The following NUAK1 variants were observed in gnomAD, a reference collection of about 807,000 sequenced individuals.
The protein encoded by NUAK1 is NUAK family SNF1-like kinase 1.
In NUAK1, 26 loss-of-function variants were observed where a neutral mutation model predicts 56.9. The ratio of observed to expected loss-of-function variants is 0.46; its 90% CI spans 0.33 to 0.63. The LOEUF is 0.63. Among genes scored for constraint, NUAK1 ranks in the 30% least tolerant of loss-of-function variants. The probability of loss-of-function intolerance (pLI) is 0.02; values close to 1 mark genes in which losing one functional copy is unlikely to be tolerated. For missense variants in NUAK1, 727 were observed against 876.1 expected (o/e 0.83, Z 2.15); for synonymous variants, 337 against 336.0 (o/e 1.00, Z -0.03).
At chr12:106,136,574 G>A (rs2033131642) in intron 1 of NUAK1, among the ~76,000 whole-genome samples, 1 of 152,166 alleles carries the variant, frequency 6.6e-6, no homozygotes, top group South Asian at 2.1e-4. Flanking sequence ...ACAAGGGTTC[G>A]TTCGTTAGAA....
intron 6 of NUAK1, among the ~76,000 whole-genome samples, chr12:106,069,794 CAT>C (rs201636501): frequency 5.2e-4 from 79 of 151,746 alleles, no homozygotes; most frequent in Non-Finnish European, 9.1e-4. Context: ...TACAGATATA[CAT>C]ATATATATAT....
chr12:106,076,302 A>G (rs1024155514), intron 4 of NUAK1, among the ~76,000 whole-genome samples: 1 of 152,228 alleles, frequency 6.6e-6, no homozygotes, highest in African/African-American at 2.4e-5. Context: ...GAAGGAGCAC[A>G]TGGGTCTTCC....
intron 1 of NUAK1, among the ~76,000 whole-genome samples, chr12:106,114,609 A>C (rs1035548417): frequency 4.6e-5 from 7 of 152,218 alleles, no homozygotes; most frequent in Non-Finnish European, 1.0e-4. Context: ...ACTGAGTCCC[A>C]GGGAGGTTAA....
At chr12:106,104,332 C>T (rs1233136186) in intron 2 of NUAK1, 1 of 152,364 alleles carries the variant, frequency 6.6e-6, no homozygotes, top group Non-Finnish European at 1.5e-5. Flanking sequence ...TCTCAAAGTG[C>T]TGGGATTACA....
intron 1 of NUAK1, among the ~76,000 whole-genome samples, chr12:106,120,039 G>T: frequency 6.6e-6 from 1 of 152,102 alleles, no homozygotes; most frequent in East Asian, 1.9e-4. Flanking sequence ...CTTAACCAAA[G>T]CATCCGATTA....
intron 4 of NUAK1, among the ~76,000 whole-genome samples, chr12:106,074,162 C>G (rs1592848572): frequency 6.6e-6 from 1 of 152,090 alleles, no homozygotes; most frequent in East Asian, 1.9e-4. Flanking sequence ...TGCTTAGCAC[C>G]TGCCCACACC....
chr12:106,117,144 C>A (rs1397794385), intron 1 of NUAK1, among the ~76,000 whole-genome samples: 3 of 152,156 alleles, frequency 2.0e-5, no homozygotes, highest in Non-Finnish European at 4.4e-5. Flanking sequence ...ATTCCTACCC[C>A]CAAGATGCCT....
At position 106,092,386 on chromosome 12, in the gene NUAK1, T is replaced by A. The variant is rs376815491; in HGVS notation, c.362-5501A>T. Among the ~76,000 whole-genome samples the A allele has an allele frequency of 2.0e-5, 3 of 151,540 alleles. No homozygotes were observed. The East Asian group carries it at 5.8e-4, about 29-fold the overall frequency. ...ACAAAAAATTAGCTGGGCGTGGTAG[T>A]GGGCACCTGTAATCCCAGCTACTCA... On this transcript the variant is annotated intron_variant, in intron 2 of 6. Coordinates refer to ENST00000261402, the MANE Select transcript of NUAK1 (RefSeq NM_014840.3).
intron 2 of NUAK1, among the ~76,000 whole-genome samples, chr12:106,088,571 T>C (rs2032599354): frequency 6.6e-6 from 1 of 152,228 alleles, no homozygotes; most frequent in African/African-American, 2.4e-5. Flanking sequence ...TGTGTGATTC[T>C]AGGGATGTTG....
intron 1 of NUAK1, among the ~76,000 whole-genome samples, chr12:106,123,412 G>A (rs2032996696): frequency 6.6e-6 from 1 of 152,162 alleles, no homozygotes; most frequent in African/African-American, 2.4e-5. Flanking sequence ...AATGTGGCTG[G>A]TGCCACCGAG....
intron 1 of NUAK1, among the ~76,000 whole-genome samples, chr12:106,121,095 G>A (rs2032969285): frequency 6.6e-6 from 1 of 152,186 alleles, no homozygotes. Flanking sequence ...GCTCAGCCAG[G>A]CCTGAGAACT....
At chr12:106,118,748 T>A (rs1052647046) in intron 1 of NUAK1, among the ~76,000 whole-genome samples, 1 of 152,188 alleles carries the variant, frequency 6.6e-6, no homozygotes, top group Non-Finnish European at 1.5e-5. Flanking sequence ...ATGTAAAACA[T>A]TTGGTTTGAG....
At position 106,067,154 on chromosome 12, in the gene NUAK1, A is replaced by T; in HGVS notation, c.1634T>A (p.Met545Lys). The T allele has an allele frequency of 1.9e-6, 3 of 1,614,058 alleles. No individual in the cohort carries two copies. The highest frequency in any genetic ancestry group is 2.5e-6 in the Non-Finnish European group (3 of 1,180,010). The part of the protein sequence containing the change: ...TMDPALVSPE[M>K]PTLESLSEPG... ...CTCTGACAGGGATTCCAGTGTGGGC[A>T]TTTCAGGGCTGACCAGGGCTGGGTC... Residue 545 changes from methionine (M) to lysine (K), a missense_variant, in exon 7 of 7, where the codon ATG becomes AAG. Transcript: ENST00000261402. This position sits in a 1 kb window ranked among gnomAD's most constrained non-coding sequence, Gnocchi z 6.0.
intron 2 of NUAK1, among the ~76,000 whole-genome samples, chr12:106,100,850 G>T (rs1481517351): frequency 6.6e-6 from 1 of 152,166 alleles, no homozygotes; most frequent in African/African-American, 2.4e-5. Context: ...GTCACTATGT[G>T]TGTGTGCATT....
chr12:106,088,928 T>TA (rs2032604192), intron 2 of NUAK1, among the ~76,000 whole-genome samples: 1 of 152,216 alleles, frequency 6.6e-6, no homozygotes, highest in Non-Finnish European at 1.5e-5. Context: ...ACCTCCCTGA[T>TA]AAAATGAAGG....
chr12:106,085,334 T>C (rs1017491850), intron 3 of NUAK1, among the ~76,000 whole-genome samples: 1 of 152,264 alleles, frequency 6.6e-6, no homozygotes, highest in Non-Finnish European at 1.5e-5. Context: ...TGAGCACATT[T>C]TGAGTCAACA....
intron 2 of NUAK1, among the ~76,000 whole-genome samples, chr12:106,090,327 G>A (rs145758008): frequency 6.6e-6 from 1 of 152,102 alleles, no homozygotes; most frequent in African/African-American, 2.4e-5. Context: ...GAGCAAAGAA[G>A]ATTTCTAGAT....
At chr12:106,122,061 T>A (rs928939891) in intron 1 of NUAK1, among the ~76,000 whole-genome samples, 2 of 152,158 alleles carry the variant, frequency 1.3e-5, no homozygotes, top group Non-Finnish European at 2.9e-5. Flanking sequence ...CAAGTGCAAG[T>A]CTTATGCCTG....
chr12:106,090,422 C>T (rs1022513090), intron 2 of NUAK1, among the ~76,000 whole-genome samples: 6 of 152,292 alleles, frequency 3.9e-5, no homozygotes, highest in Non-Finnish European at 2.9e-5. Context: ...GCAAAATTTG[C>T]TGTAGGCTTA....
Sources: gnomAD v4.1 joint callset for allele counts (sites outside exome capture counted in the v4.1 genomes callset) on GRCh38, gnomAD v4.1.1 for gene constraint, Gnocchi (gnomAD v3.1) non-coding constraint, MANE v1.5 for transcripts, NCBI Gene and HGNC (gene_info 2026-07-23, HGNC 2026-07-21) for gene names.